SNTG1: variants seen among roughly 807,000 people sequenced by gnomAD.
The protein encoded by SNTG1 is gamma-1-syntrophin.
SNTG1 carries 39 observed loss-of-function variants against 74.7 expected under a neutral mutation model. The observed-to-expected ratio is 0.52, with a 90% CI of 0.40 to 0.68. SNTG1 has a LOEUF of 0.68. SNTG1 is among the 30% of genes least tolerant of loss of function. SNTG1 has a pLI of 0.00. For synonymous variants in SNTG1, 254 were observed against 217.1 expected (o/e 1.17, Z -1.49); for missense variants, 685 against 609.5 (o/e 1.12, Z -1.30).
intron 5 of SNTG1, among the ~76,000 whole-genome samples, chr8:50,448,256 A>G (rs1587663816): frequency 6.6e-6 from 1 of 152,016 alleles, no homozygotes; most frequent in Non-Finnish European, 1.5e-5. Flanking sequence ...AGTTTTCATT[A>G]CCTTAATTAT....
rs574317761 is a variant in SNTG1, at chr8:50,645,651, T to C, written c.850-11258T>C. Among the ~76,000 whole-genome samples the C allele has an allele frequency of 9.8e-5, 15 of 152,328 alleles. No individual in the cohort carries two copies. In the South Asian group the frequency reaches 2.5e-3, roughly 25 times the overall value. On this transcript the variant is annotated intron_variant, in intron 13 of 18. Coordinates refer to ENST00000642720, the MANE Select transcript of SNTG1 (RefSeq NM_018967.5). ...GCAAAATAAAATAACAGGTACAATT[T>C]ATCTCACTGTAATGAGAGGACTAAG...
At chr8:50,654,513 T>C (rs957511034) in intron 13 of SNTG1, among the ~76,000 whole-genome samples, 1 of 152,332 alleles carries the variant, frequency 6.6e-6, no homozygotes, top group Middle Eastern at 3.4e-3. Flanking sequence ...TTAATGTCTG[T>C]ATTAGAAAAT....
chr8:50,686,931 C>G (rs988993647), intron 15 of SNTG1, among the ~76,000 whole-genome samples: 1 of 150,264 alleles, frequency 6.7e-6, no homozygotes, highest in Non-Finnish European at 1.5e-5. Context: ...GTCAGGAGAT[C>G]GAGACCATCC....
At chr8:50,482,734 T>A (rs2093751551) in intron 8 of SNTG1, among the ~76,000 whole-genome samples, 1 of 152,160 alleles carries the variant, frequency 6.6e-6, no homozygotes, top group South Asian at 2.1e-4. Context: ...AAAATGCAAT[T>A]ATGAAACATG....
At chr8:49,989,825 C>G (rs75615402) in intron 1 of SNTG1, among the ~76,000 whole-genome samples, 1 of 151,632 alleles carries the variant, frequency 6.6e-6, no homozygotes, top group Non-Finnish European at 1.5e-5. Context: ...TATATTGATA[C>G]AGTAATAAAG....
In SNTG1 at chr8:50,366,342, T is replaced by C. The variant is rs546964766; in HGVS notation, c.-27-27870T>C. ...AGCACAGAACTGCATCTTTACCCAA[T>C]AGCCTTTTTACTACGCTGTGCAGTT... On this transcript the variant is annotated intron_variant, in intron 2 of 18. Transcript: ENST00000642720. Among the ~76,000 whole-genome samples the C allele has an allele frequency of 1.5e-3, 222 of 152,278 alleles. 2 individuals carry two copies. Among genetic ancestry groups the C allele is most frequent in the African/African-American group, 4.5e-3 (188 of 41,564 alleles).
chr8:49,926,835 G>C (rs927376064), intron 1 of SNTG1, among the ~76,000 whole-genome samples: 1 of 152,032 alleles, frequency 6.6e-6, no homozygotes, highest in Non-Finnish European at 1.5e-5. Flanking sequence ...ACTTGCAAAG[G>C]ATATATTTAA....
At chr8:50,199,258 C>T (rs2083895293) in intron 2 of SNTG1, among the ~76,000 whole-genome samples, 1 of 147,096 alleles carries the variant, frequency 6.8e-6, no homozygotes, top group Non-Finnish European at 1.5e-5. Context: ...ACTCTTGTTG[C>T]CCAGGCTACA....
intron 17 of SNTG1, among the ~76,000 whole-genome samples, chr8:50,723,943 G>C (rs1399031609): frequency 6.6e-6 from 1 of 152,148 alleles, no homozygotes; most frequent in Non-Finnish European, 1.5e-5. Context: ...AGGTTTCAAA[G>C]AGAGGAAATG....
rs148470063 is a variant in SNTG1, at chr8:50,298,485, T to C, written c.-27-95727T>C. 1.6e-3 allele frequency among the ~76,000 whole-genome samples: 245 copies of C among 152,190 alleles called. 2 individuals carry two copies. The highest frequency in any genetic ancestry group is 0.014 in the Middle Eastern group (4 of 294). ...ACCCCCTGCCCATGCAATGTACAGC[T>C]AGTTATGTTGGAAAAATTTCCCTCA... On this transcript the variant is annotated intron_variant, in intron 2 of 18. Transcript: ENST00000642720.
chr8:50,760,240 T>G (rs1366117961), intron 18 of SNTG1, among the ~76,000 whole-genome samples: 2 of 152,128 alleles, frequency 1.3e-5, no homozygotes, highest in Non-Finnish European at 2.9e-5. Flanking sequence ...AAGGAGATTT[T>G]GGGCTGAGAC....
At chr8:50,184,459 C>A (rs1190173185) in intron 2 of SNTG1, among the ~76,000 whole-genome samples, 2 of 152,130 alleles carry the variant, frequency 1.3e-5, no homozygotes, top group Non-Finnish European at 2.9e-5. Context: ...CCACCGTGCC[C>A]GGCCTACATC....
intron 12 of SNTG1, among the ~76,000 whole-genome samples, chr8:50,567,297 C>T (rs2094521454): frequency 6.6e-6 from 1 of 151,992 alleles, no homozygotes; most frequent in African/African-American, 2.4e-5. Context: ...ATTATGCTTT[C>T]CTACTGGAAT....
At chr8:49,994,327 C>T (rs1300517311) in intron 1 of SNTG1, among the ~76,000 whole-genome samples, 1 of 147,154 alleles carries the variant, frequency 6.8e-6, no homozygotes, top group Non-Finnish European at 1.5e-5. Context: ...CCAATCTCGG[C>T]TCACTGCAAC....
chr8:50,741,426 A>G (rs1217008957), intron 17 of SNTG1, among the ~76,000 whole-genome samples: 1 of 151,984 alleles, frequency 6.6e-6, no homozygotes, highest in Non-Finnish European at 1.5e-5. Context: ...CTGACCAAGT[A>G]CCCCTGAACT....
intron 15 of SNTG1, among the ~76,000 whole-genome samples, chr8:50,681,174 C>A (rs1297648622): frequency 6.6e-6 from 1 of 151,882 alleles, no homozygotes; most frequent in African/African-American, 2.4e-5. Context: ...CCTATTTTGG[C>A]CAGAATACCA....
At chr8:50,269,811 T>A (rs2087682586) in intron 2 of SNTG1, among the ~76,000 whole-genome samples, 1 of 152,122 alleles carries the variant, frequency 6.6e-6, no homozygotes. Context: ...TACAAATGAC[T>A]GTGGTACAGG....
intron 2 of SNTG1, among the ~76,000 whole-genome samples, chr8:50,233,660 T>A (rs1207766794): frequency 6.6e-6 from 1 of 150,712 alleles, no homozygotes; most frequent in Admixed American, 6.6e-5. Context: ...ACAAACCTGA[T>A]AAAGAGCCCA....
At chr8:50,733,391 C>G (rs961428097) in intron 17 of SNTG1, among the ~76,000 whole-genome samples, 5 of 151,882 alleles carry the variant, frequency 3.3e-5, no homozygotes, top group African/African-American at 1.2e-4. Context: ...GCAATGAACA[C>G]ATGAATGAAT....
Sources: gnomAD v4.1 joint callset for allele counts (sites outside exome capture counted in the v4.1 genomes callset) on GRCh38, gnomAD v4.1.1 for gene constraint, MANE v1.5 for transcripts, NCBI Gene and HGNC (gene_info 2026-07-23, HGNC 2026-07-21) for gene names.